The following PTPRD variants were observed in gnomAD, a reference collection of about 807,000 sequenced individuals.
PTPRD encodes protein tyrosine phosphatase receptor type D.
A neutral mutation model predicts 214.5 loss-of-function variants in PTPRD; 34 were observed. The observed-to-expected ratio is 0.16, with a 90% CI of 0.12 to 0.21. PTPRD has a LOEUF of 0.21. Among genes scored for constraint, PTPRD ranks in the 10% least tolerant of loss-of-function variants. The pLI is 1.00. For missense variants in PTPRD, 2,545 were observed against 2,398.7 expected (o/e 1.06, Z -1.27); for synonymous variants, 1,128 against 845.7 (o/e 1.33, Z -5.79).
chr9:8,804,913 G>A (rs1382302554), intron 11 of PTPRD, among the ~76,000 whole-genome samples: 1 of 152,040 alleles, frequency 6.6e-6, no homozygotes, highest in African/African-American at 2.4e-5. Context: ...TAACATCCTG[G>A]GCTTTCTAAA....
chr9:10,159,489 A>G (rs1308050375), intron 3 of PTPRD, among the ~76,000 whole-genome samples: 1 of 152,088 alleles, frequency 6.6e-6, no homozygotes, highest in African/African-American at 2.4e-5. Flanking sequence ...GCAAATAGAA[A>G]ACCACGACCT....
rs774964605 is a variant in PTPRD at position 8,485,742 on chromosome 9, C to A, written c.3055+20G>T. 1.3e-6 allele frequency: 2 copies of A among 1,585,404 alleles called. No individual in the cohort carries two copies. The highest frequency in any genetic ancestry group is 3.4e-5 in the Admixed American group (2 of 58,398). ...TGACAATCCTTTAAAGGAGGAAGGC[C>A]GTAAGCAGACAAATCCTACCTTGAT... is the stretch of plus-strand genomic sequence containing the variant. On this transcript the variant is annotated intron_variant, in intron 28 of 45. Coordinates refer to ENST00000381196, the MANE Select transcript of PTPRD (RefSeq NM_002839.4).
intron 26 of PTPRD, among the ~76,000 whole-genome samples, chr9:8,494,129 C>T (rs1247361900): frequency 6.6e-6 from 1 of 152,056 alleles, no homozygotes; most frequent in Non-Finnish European, 1.5e-5. Context: ...ATGTCATTGT[C>T]TTCCAAATCT....
At chr9:9,255,394 C>T (rs979162834) in intron 9 of PTPRD, among the ~76,000 whole-genome samples, 2 of 151,956 alleles carry the variant, frequency 1.3e-5, no homozygotes, top group African/African-American at 2.4e-5. Flanking sequence ...TAGCTCAACT[C>T]AGGAGAGGTA....
chr9:9,846,528 G>A (rs962296943), intron 5 of PTPRD, among the ~76,000 whole-genome samples: 7 of 152,160 alleles, frequency 4.6e-5, no homozygotes, highest in African/African-American at 9.7e-5. Flanking sequence ...TAGCTCATGA[G>A]AGTGAAATTC....
chr9:9,140,772 G>C (rs938355286), intron 10 of PTPRD, among the ~76,000 whole-genome samples: 1 of 152,102 alleles, frequency 6.6e-6, no homozygotes, highest in Non-Finnish European at 1.5e-5. Context: ...TAGAGACGGG[G>C]TTTCACCGTA....
rs538628151 is a variant in PTPRD at position 10,239,506 on chromosome 9, T to C, written c.-545+101457A>G. Reference sequence around the variant, plus strand: ...ATTTTAAGTGGGGGATTTGTACTAATAGGGTTGAACTTACACTTCATTTCC... The same window carrying C: ...ATTTTAAGTGGGGGATTTGTACTAACAGGGTTGAACTTACACTTCATTTCC... On this transcript the variant is annotated intron_variant, in intron 3 of 45. Coordinates refer to ENST00000381196, the MANE Select transcript of PTPRD (RefSeq NM_002839.4). Among the ~76,000 whole-genome samples, 14 of 152,086 alleles carry C rather than the reference T, an allele frequency of 9.2e-5. No homozygotes were observed. The South Asian group carries it at 1.0e-3, about 11-fold the overall frequency.
chr9:8,524,628 C>A, intron 18 of PTPRD: 13 of 428,698 alleles, frequency 3.0e-5, no homozygotes, highest in East Asian at 1.4e-4. Context: ...AGAAGAAAAC[C>A]TCAAACAAAT....
chr9:8,968,035 G>C (rs1589048983), intron 11 of PTPRD, among the ~76,000 whole-genome samples: 1 of 151,946 alleles, frequency 6.6e-6, no homozygotes, highest in East Asian at 1.9e-4. Flanking sequence ...ATAGTTTGCT[G>C]AGAATGATGG....
chr9:9,618,029 G>C (rs1290385712), intron 7 of PTPRD, among the ~76,000 whole-genome samples: 1 of 120,098 alleles, frequency 8.3e-6, no homozygotes, highest in African/African-American at 3.2e-5. Context: ...CCCAGATCGC[G>C]CCACTGCACT....
chr9:10,512,663 G>C (rs1589810006), intron 2 of PTPRD, among the ~76,000 whole-genome samples: 1 of 152,080 alleles, frequency 6.6e-6, no homozygotes, highest in African/African-American at 2.4e-5. Context: ...TTTGTTGAGA[G>C]GGAAGGAGGA....
intron 2 of PTPRD, among the ~76,000 whole-genome samples, chr9:10,485,782 T>C (rs2099128668): frequency 2.0e-5 from 3 of 152,132 alleles, no homozygotes; most frequent in Non-Finnish European, 2.9e-5. Flanking sequence ...TTTTTCCAAA[T>C]ACATGATCAT....
intron 10 of PTPRD, among the ~76,000 whole-genome samples, chr9:9,072,062 G>A (rs1247454601): frequency 6.6e-6 from 1 of 152,106 alleles, no homozygotes; most frequent in African/African-American, 2.4e-5. Context: ...GTGATTTGCA[G>A]ATGTTTGATT....
intron 33 of PTPRD, among the ~76,000 whole-genome samples, chr9:8,453,335 T>C (rs1428228921): frequency 1.3e-5 from 2 of 151,746 alleles, no homozygotes; most frequent in African/African-American, 4.8e-5. Context: ...GGCTAATTTT[T>C]TGTATTTTTT....
intron 5 of PTPRD, among the ~76,000 whole-genome samples, chr9:9,925,636 CTCT>C (rs2153895162): frequency 6.6e-6 from 1 of 151,838 alleles, no homozygotes; most frequent in South Asian, 2.1e-4. Context: ...TTAAAAAAAA[CTCT>C]TCTACCTTAC....
intron 2 of PTPRD, among the ~76,000 whole-genome samples, chr9:10,396,420 G>C (rs2098171742): frequency 6.6e-6 from 1 of 151,844 alleles, no homozygotes; most frequent in South Asian, 2.1e-4. Flanking sequence ...CAAACTGTTG[G>C]GAAGGGTTGT....
At chr9:9,444,044 A>T (rs931422746) in intron 8 of PTPRD, among the ~76,000 whole-genome samples, 1 of 152,212 alleles carries the variant, frequency 6.6e-6, no homozygotes, top group South Asian at 2.1e-4. Flanking sequence ...AAGAAAAAAC[A>T]GGATTGGACT....
chr9:9,589,111 C>T (rs868346281), intron 7 of PTPRD, among the ~76,000 whole-genome samples: 4 of 151,862 alleles, frequency 2.6e-5, no homozygotes, highest in Admixed American at 1.3e-4. Flanking sequence ...AGGCAACTAA[C>T]TGGAGAAATA....
At chr9:8,982,379 G>A (rs952339891) in intron 11 of PTPRD, among the ~76,000 whole-genome samples, 1 of 151,694 alleles carries the variant, frequency 6.6e-6, no homozygotes, top group East Asian at 1.9e-4. Flanking sequence ...GTCTCATAAG[G>A]GAAGTCTTTC....
Sources: allele counts gnomAD v4.1 joint callset (sites outside exome capture counted in the v4.1 genomes callset), GRCh38; gene constraint gnomAD v4.1.1; transcripts MANE v1.5; gene names NCBI Gene and HGNC (gene_info 2026-07-23, HGNC 2026-07-21).